Variants in PDE4D observed in about 807,000 individuals in gnomAD.
The protein encoded by PDE4D is phosphodiesterase 4D, also known as 3',5'-cyclic-AMP phosphodiesterase 4D.
Under a neutral mutation model 87.4 loss-of-function variants are expected in PDE4D, and 24 were observed. The ratio of observed to expected loss-of-function variants is 0.27; its 90% CI spans 0.20 to 0.39. The LOEUF (loss-of-function observed/expected upper bound fraction) is 0.39. Ranked by LOEUF, PDE4D falls within the 10% of genes least tolerant of loss-of-function variation. The pLI, the probability that PDE4D is intolerant of heterozygous loss-of-function variation, is 1.00. For missense variants in PDE4D, 714 were observed against 1,041.0 expected, an observed-to-expected ratio of 0.69 and a Z score of 4.32; for synonymous variants, 384 against 383.2, an observed-to-expected ratio of 1.00 and a Z score of -0.02.
intron 1 of PDE4D, among the ~76,000 whole-genome samples, chr5:59,687,636 G>A (rs994459243): frequency 5.9e-5 from 9 of 152,244 alleles, no homozygotes; most frequent in African/African-American, 1.7e-4. Context: ...AAAGACCATC[G>A]ATGCTAGGAA....
Position 60,385,686 on chromosome 5 carries a change from T to C in PDE4D, c.-90+102256A>G, listed in dbSNP as rs192846813. 4.4e-3 allele frequency among the ~76,000 whole-genome samples: 666 copies of C among 152,340 alleles called. 4 individuals carry two copies. Among genetic ancestry groups the C allele is most frequent in the African/African-American group, 0.016 (650 of 41,570 alleles). Reference sequence around the variant, plus strand: ...TTTCTGGTCTAATATTTATGTGCTATAATCCTATCAACCTACTAACGGTCC... The same window carrying C: ...TTTCTGGTCTAATATTTATGTGCTACAATCCTATCAACCTACTAACGGTCC... On this transcript the variant is annotated intron_variant, in intron 1 of 16. Transcript: ENST00000502484.
At chr5:59,493,538 G>A (rs1806609971) in intron 1 of PDE4D, among the ~76,000 whole-genome samples, 2 of 152,170 alleles carry the variant, frequency 1.3e-5, no homozygotes, top group Admixed American at 1.3e-4. Context: ...CATCTACTCT[G>A]TTTCTCAAGT....
At chr5:59,108,567 G>C (rs113922758) in intron 5 of PDE4D, among the ~76,000 whole-genome samples, 1 of 152,160 alleles carries the variant, frequency 6.6e-6, no homozygotes, top group Non-Finnish European at 1.5e-5. Flanking sequence ...GTTTTAGAGG[G>C]AACCTAGGAC....
At chr5:59,503,028 T>A (rs1808601383) in intron 1 of PDE4D, among the ~76,000 whole-genome samples, 1 of 151,840 alleles carries the variant, frequency 6.6e-6, no homozygotes, top group East Asian at 1.9e-4. Context: ...TCTAGAAGAA[T>A]CTAAAGACAA....
At position 59,200,668 on chromosome 5, in the gene PDE4D, T is replaced by TACAG. The variant is rs1221673247; in HGVS notation, c.648-7133_648-7132insCTGT. Among the ~76,000 whole-genome samples the TACAG allele has an allele frequency of 2.7e-4, 22 of 80,142 alleles. 4 individuals are homozygous for TACAG. The highest frequency in any genetic ancestry group is 1.0e-3 in the African/African-American group (21 of 20,830). 52.6% of individuals were successfully genotyped at this position (80,142 alleles called of 152,430 possible). ...ACACGTATACATACATATGTGTATG[T>TACAG]ATAGATACACGTATACATACATATG... On this transcript the variant is annotated intron_variant, in intron 2 of 14. Coordinates refer to ENST00000340635, the MANE Select transcript of PDE4D (RefSeq NM_001104631.2).
chr5:59,275,473 AAAG>A, intron 1 of PDE4D: 6 of 1,556,818 alleles, frequency 3.9e-6, no homozygotes, highest in Non-Finnish European at 3.4e-6. Context: ...GTCTTTCTGC[AAAG>A]AAGATTTTAA....
chr5:59,100,504 CA>C (rs1391664393), intron 5 of PDE4D, among the ~76,000 whole-genome samples: 1 of 151,732 alleles, frequency 6.6e-6, no homozygotes, highest in African/African-American at 2.4e-5. Flanking sequence ...GAAGCTTAAA[CA>C]AAAAAAACTT....
At chr5:60,300,966 T>A (rs1484282849) in intron 1 of PDE4D, among the ~76,000 whole-genome samples, 1 of 152,164 alleles carries the variant, frequency 6.6e-6, no homozygotes, top group Admixed American at 6.5e-5. Flanking sequence ...ACATGGGGTT[T>A]CTCCATGTTG....
chr5:59,303,253 T>G (rs2153561314), intron 1 of PDE4D, among the ~76,000 whole-genome samples: 1 of 152,188 alleles, frequency 6.6e-6, no homozygotes, highest in South Asian at 2.1e-4. Context: ...TTTTTCTTAC[T>G]GATTTGTTTG....
chr5:59,692,244 G>A (rs1206741504), intron 1 of PDE4D, among the ~76,000 whole-genome samples: 1 of 152,138 alleles, frequency 6.6e-6, no homozygotes, highest in Non-Finnish European at 1.5e-5. Flanking sequence ...TTTAAAGAGA[G>A]AGCTCTTGGT....
At chr5:59,018,589 C>T (rs879500726) in intron 6 of PDE4D, among the ~76,000 whole-genome samples, 2 of 152,180 alleles carry the variant, frequency 1.3e-5, no homozygotes, top group South Asian at 2.1e-4. Flanking sequence ...TAAACATGCG[C>T]TATCACCTTC....
At chr5:59,956,441 CG>C (rs1193079557) in intron 3 of PDE4D, among the ~76,000 whole-genome samples, 6 of 151,978 alleles carry the variant, frequency 3.9e-5, no homozygotes, top group Non-Finnish European at 7.4e-5. Context: ...CAAAATATTT[CG>C]ATAACATTCT....
chr5:59,431,497 A>G (rs1796108974), intron 1 of PDE4D, among the ~76,000 whole-genome samples: 1 of 152,116 alleles, frequency 6.6e-6, no homozygotes, highest in Non-Finnish European at 1.5e-5. Context: ...ACCTGGGTAA[A>G]CATACAGTGT....
At chr5:59,572,880 C>T (rs938814976) in intron 1 of PDE4D, among the ~76,000 whole-genome samples, 1 of 152,194 alleles carries the variant, frequency 6.6e-6, no homozygotes, top group African/African-American at 2.4e-5. Flanking sequence ...AAAAAAGGGA[C>T]AGGAGAGGAA....
At chr5:59,189,735 C>T (rs868184726) in intron 3 of PDE4D, among the ~76,000 whole-genome samples, 1 of 152,156 alleles carries the variant, frequency 6.6e-6, no homozygotes, top group East Asian at 1.9e-4. Flanking sequence ...GAAACACCCA[C>T]ACCAAAAGAT....
chr5:59,450,267 T>G (rs1562210747), intron 1 of PDE4D, among the ~76,000 whole-genome samples: 1 of 152,226 alleles, frequency 6.6e-6, no homozygotes, highest in Non-Finnish European at 1.5e-5. Context: ...AGCACCACAG[T>G]CTTTCTCTGA....
chr5:58,985,105 G>C (rs566738843), intron 11 of PDE4D, among the ~76,000 whole-genome samples: 1 of 152,114 alleles, frequency 6.6e-6, no homozygotes, highest in Non-Finnish European at 1.5e-5. Context: ...TGTAAAGACA[G>C]GGTTTCACCT....
chr5:59,866,870 T>C (rs1344352267), intron 1 of PDE4D, among the ~76,000 whole-genome samples: 1 of 152,194 alleles, frequency 6.6e-6, no homozygotes, highest in Admixed American at 6.5e-5. Flanking sequence ...CAATGTCTAA[T>C]GAAGTTTTAG....
At chr5:59,110,849 G>T (rs982290730) in intron 5 of PDE4D, among the ~76,000 whole-genome samples, 8 of 152,120 alleles carry the variant, frequency 5.3e-5, no homozygotes, top group Admixed American at 1.3e-4. Flanking sequence ...CCCAGACTGG[G>T]CATCAGAGCT....
Sources: allele counts gnomAD v4.1 joint callset (sites outside exome capture counted in the v4.1 genomes callset), GRCh38; gene constraint gnomAD v4.1.1; transcripts MANE v1.5; gene names NCBI Gene and HGNC (gene_info 2026-07-23, HGNC 2026-07-21).